GCN1: variants seen among roughly 807,000 people sequenced by gnomAD.
GCN1 encodes the protein GCN1 activator of EIF2AK4, also known as stalled ribosome sensor GCN1.
A neutral mutation model predicts 288.4 loss-of-function variants in GCN1; 90 were observed. The observed-to-expected ratio is 0.31, with a 90% CI of 0.26 to 0.37. GCN1 has a LOEUF of 0.37. GCN1 is among the 10% of genes least tolerant of loss of function. The pLI is 1.00. For synonymous variants in GCN1, 1,386 were observed against 1,420.2 expected (o/e 0.98, Z 0.54); for missense variants, 2,586 against 3,419.9 (o/e 0.76, Z 6.08).
At chr12:120,152,575 C>T (rs1430040916) in intron 33 of GCN1, among the ~76,000 whole-genome samples, 2 of 124,778 alleles carry the variant, frequency 1.6e-5, no homozygotes, top group Non-Finnish European at 3.2e-5. Context: ...CCACGCCCAG[C>T]CCAACTGTTC....
At chr12:120,176,333 T>C (rs1334916168) in intron 9 of GCN1, 116 bp from the exon 10 acceptor site, 6 of 698,984 alleles carry the variant, frequency 8.6e-6, no homozygotes, top group Non-Finnish European at 1.0e-5. Flanking sequence ...CCTTCATCTC[T>C]ACAGGCTACA....
intron 38 of GCN1, among the ~76,000 whole-genome samples, chr12:120,146,584 T>C (rs1045955086): frequency 1.5e-5 from 2 of 136,954 alleles, no homozygotes; most frequent in African/African-American, 6.3e-5. Flanking sequence ...ATAACTTTTA[T>C]ATATTTTTTT....
intron 57 of GCN1, among the ~76,000 whole-genome samples, chr12:120,128,943 G>A (rs369065018): frequency 1.2e-4 from 17 of 144,138 alleles, no homozygotes; most frequent in East Asian, 4.4e-4. Flanking sequence ...CTGGGTTCAC[G>A]CCATTCTCCT....
intron 20 of GCN1, 29 bp downstream of exon 20, chr12:120,162,818 G>T: frequency 1.2e-6 from 2 of 1,611,534 alleles, no homozygotes; most frequent in Non-Finnish European, 1.7e-6. Context: ...TCCCGGACCT[G>T]AGGCCAGACC....
chr12:120,148,179 G>A lies in GCN1; in HGVS notation c.4714C>T (p.Pro1572Ser). 6.2e-7 allele frequency: 1 copy of A among 1,612,582 alleles called. No homozygotes were observed. ...GGGAAAGGCCTACCCAGGATCTCCGGGTTCCTGATAACGGAGCCGATCTGC... is the reference window on the plus strand; with the variant it reads ...GGGAAAGGCCTACCCAGGATCTCCGAGTTCCTGATAACGGAGCCGATCTGC... ...LRQIGSVIRN[P>S]EILAIAPVLL... Residue 1572 changes from proline to serine, a missense_variant, in exon 37 of 58, where the codon CCG (proline) becomes TCG (serine). Physicochemically the swap from Pro to Ser is moderately conservative, Grantham distance 74. Transcript: ENST00000300648.
chr12:120,164,540 G>A, intron 17 of GCN1, 45 bp from the exon 18 acceptor site: 1 of 1,607,566 alleles, frequency 6.2e-7, no homozygotes, highest in Non-Finnish European at 8.5e-7. Context: ...GCCAAGAGCA[G>A]GGCTTTCCAC....
rs910932046 is a variant in GCN1 at position 120,136,385 on chromosome 12, T to C, written c.7008+117A>G. On this transcript the variant is annotated intron_variant, in intron 51 of 57. Transcript: ENST00000300648. ...TCTGAAGTCCAAGGTCTTACCTCCCTCTGCTATGCGGCTCTCCACAATAAA... is the reference window on the plus strand; with the variant it reads ...TCTGAAGTCCAAGGTCTTACCTCCCCCTGCTATGCGGCTCTCCACAATAAA... 2.4e-5 allele frequency: 18 copies of C among 753,370 alleles called. No homozygotes were observed. In the African/African-American group the frequency reaches 2.6e-4, roughly 11 times the overall value. The allele number at this position is 753,370 out of a possible 1,614,324, so 46.7% of individuals were successfully genotyped here. A position where few individuals can be genotyped will look rare whatever the true frequency, so the allele number is the denominator to read the frequency against.
At chr12:120,157,181 G>C in intron 26 of GCN1, 189 bp from the exon 27 acceptor site, 1 of 497,104 alleles carries the variant, frequency 2.0e-6, no homozygotes, top group Non-Finnish European at 3.6e-6. Context: ...TGATCCTCAG[G>C]AACTAAAAAC....
At position 120,156,714 on chromosome 12, in the gene GCN1, G is replaced by A. The variant is rs2139109688; in HGVS notation, c.3169-110C>T. The A allele has an allele frequency of 8.7e-7, 1 of 1,151,196 alleles. No individual in the cohort carries two copies. Among genetic ancestry groups the A allele is most frequent in the Non-Finnish European group, 1.3e-6 (1 of 789,010 alleles). The allele number at this position is 1,151,196 out of a possible 1,614,324, so 71.3% of individuals were successfully genotyped here. A position where few individuals can be genotyped will look rare whatever the true frequency, so the allele number is the denominator to read the frequency against. ...ACCCCTACAGCACTGCAAGGGCTAA[G>A]ACCCCAGCTCCAGTGGCAGGACCCA... On this transcript the variant is annotated intron_variant, in intron 27 of 57. Transcript: ENST00000300648. The surrounding 1 kb of genome is among the most constrained non-coding windows in gnomAD (Gnocchi z 5.8).
chr12:120,186,497 T>C (rs748264034), intron 2 of GCN1, among the ~76,000 whole-genome samples: 1 of 152,030 alleles, frequency 6.6e-6, no homozygotes, highest in Non-Finnish European at 1.5e-5. Context: ...TAACCTGCAG[T>C]GTAAGACAGA....
chr12:120,172,755 C>T (rs1266963883), intron 14 of GCN1, among the ~76,000 whole-genome samples: 3 of 152,180 alleles, frequency 2.0e-5, no homozygotes, highest in South Asian at 2.1e-4. Flanking sequence ...GTGATCCAAC[C>T]GCCTCGGCCT....
At chr12:120,180,918 A>T (rs1166118535) in intron 5 of GCN1, among the ~76,000 whole-genome samples, 1 of 151,076 alleles carries the variant, frequency 6.6e-6, no homozygotes, top group Non-Finnish European at 1.5e-5. Flanking sequence ...TGAACCCGTG[A>T]GGCGGAGCTT....
chr12:120,167,180 GA>G (rs576159155), intron 16 of GCN1, among the ~76,000 whole-genome samples: 24 of 141,648 alleles, frequency 1.7e-4, no homozygotes, highest in Middle Eastern at 7.3e-3. Context: ...TCTCTACTAA[GA>G]AAAAAAAAAA....
intron 16 of GCN1, 137 bp downstream of exon 16, chr12:120,168,071 A>G: frequency 1.5e-6 from 1 of 669,614 alleles, no homozygotes; most frequent in Non-Finnish European, 2.7e-6. Flanking sequence ...TTCCCACAAC[A>G]GCTAAGCTGT....
Position 120,158,125 on chromosome 12 carries a change from T to C in GCN1, c.2906-95A>G, listed in dbSNP as rs568390281. ...ATCCTCAGGGAAAGTAGGGAACGGA[T>C]GGACCAGAGGCCCGTTCTGACACCT... is the stretch of plus-strand genomic sequence containing the variant. On this transcript the variant is annotated intron_variant, in intron 25 of 57. Transcript: ENST00000300648. This position sits in a 1 kb window ranked among gnomAD's most constrained non-coding sequence, Gnocchi z 4.3. 2.4e-6 allele frequency: 3 copies of C among 1,259,052 alleles called. No homozygotes were observed. The highest frequency in any genetic ancestry group is 1.4e-5 in the South Asian group (1 of 73,726). 78.0% of individuals were successfully genotyped at this position (1,259,052 alleles called of 1,614,324 possible).
chr12:120,140,530 A>G (rs1877154290), intron 45 of GCN1, among the ~76,000 whole-genome samples: 1 of 152,132 alleles, frequency 6.6e-6, no homozygotes, highest in African/African-American at 2.4e-5. Flanking sequence ...AGGTGCACAC[A>G]TTTTAACTGG....
At chr12:120,173,909 G>A (rs991955545) in intron 13 of GCN1, 83 bp from the exon 14 acceptor site, 1 of 1,231,300 alleles carries the variant, frequency 8.1e-7, no homozygotes, top group Non-Finnish European at 1.2e-6. Context: ...AAACAAGCCA[G>A]AGTACAAGCG....
At chr12:120,173,893 T>C in intron 13 of GCN1, 67 bp from the exon 14 acceptor site, 4 of 1,397,112 alleles carry the variant, frequency 2.9e-6, no homozygotes, top group Middle Eastern at 1.8e-4. Context: ...TTGCAAGCAG[T>C]GCAAAAAACA....
At chr12:120,148,472 G>C (rs1170161915) in intron 36 of GCN1, 126 bp from the exon 37 acceptor site, 3 of 727,556 alleles carry the variant, frequency 4.1e-6, no homozygotes, top group African/African-American at 1.8e-5. Flanking sequence ...GCAGTCACTG[G>C]GAGGAGGGGA....
Sources: allele counts gnomAD v4.1 joint callset (sites outside exome capture counted in the v4.1 genomes callset), GRCh38; gene constraint gnomAD v4.1.1; non-coding constraint Gnocchi (gnomAD v3.1); transcripts MANE v1.5; gene names NCBI Gene and HGNC (gene_info 2026-07-23, HGNC 2026-07-21).